Variants in FHIT observed in about 807,000 individuals in gnomAD.
FHIT encodes the protein bis(5'-adenosyl)-triphosphatase.
In FHIT, 19 loss-of-function variants were observed where a neutral mutation model predicts 17.9. The ratio of observed to expected loss-of-function variants is 1.06; its 90% CI spans 0.74 to 1.56. The LOEUF (loss-of-function observed/expected upper bound fraction) is 1.56. Ranked by LOEUF, FHIT falls within the 40% of genes most tolerant of loss-of-function variation. The pLI, the probability that FHIT is intolerant of heterozygous loss-of-function variation, is 0.00. For synonymous variants in FHIT, 81 were observed against 69.7 expected (o/e 1.16, Z -0.81); for missense variants, 248 against 189.2 (o/e 1.31, Z -1.82).
intron 5 of FHIT, among the ~76,000 whole-genome samples, chr3:60,253,406 A>G (rs1286401714): frequency 7.2e-5 from 11 of 152,248 alleles, no homozygotes; most frequent in South Asian, 2.1e-4. Context: ...GAAACAAATG[A>G]TATCACTCAT....
intron 4 of FHIT, among the ~76,000 whole-genome samples, chr3:60,773,652 C>T (rs1700119904): frequency 6.6e-6 from 1 of 152,200 alleles, no homozygotes; most frequent in Admixed American, 6.5e-5. Context: ...GTAATTAAGC[C>T]ACAGTATCTT....
chr3:60,968,783 A>C (rs752735059), intron 3 of FHIT, among the ~76,000 whole-genome samples: 1 of 152,104 alleles, frequency 6.6e-6, no homozygotes, highest in Non-Finnish European at 1.5e-5. Context: ...AGATTTTACC[A>C]TGAATGAATG....
chr3:60,982,138 C>T (rs563684597), intron 3 of FHIT, among the ~76,000 whole-genome samples: 2 of 152,230 alleles, frequency 1.3e-5, no homozygotes, highest in South Asian at 2.1e-4. Context: ...ATCATGTCTT[C>T]CTAGACTTAA....
At chr3:60,380,083 T>C (rs577115903) in intron 5 of FHIT, among the ~76,000 whole-genome samples, 1 of 152,306 alleles carries the variant, frequency 6.6e-6, no homozygotes, top group African/African-American at 2.4e-5. Flanking sequence ...AAAAGGTAAG[T>C]GCTGATATAG....
chr3:60,460,159 A>C (rs2032368266), intron 5 of FHIT, among the ~76,000 whole-genome samples: 1 of 152,170 alleles, frequency 6.6e-6, no homozygotes, highest in South Asian at 2.1e-4. Context: ...TGTCTATCAA[A>C]CTTGTCTTGA....
chr3:60,462,752 G>A (rs962687712), intron 5 of FHIT, among the ~76,000 whole-genome samples: 25 of 152,148 alleles, frequency 1.6e-4, no homozygotes, highest in African/African-American at 6.0e-4. Context: ...TGCCAACCAT[G>A]CTGGACCGGG....
chr3:61,045,759 T>C (rs531496062), intron 2 of FHIT, among the ~76,000 whole-genome samples: 5 of 152,034 alleles, frequency 3.3e-5, no homozygotes, highest in African/African-American at 1.2e-4. Context: ...CCTCAGCAAA[T>C]GTAAAAGAAC....
At chr3:60,507,956 C>T (rs1354841841) in intron 5 of FHIT, among the ~76,000 whole-genome samples, 2 of 152,154 alleles carry the variant, frequency 1.3e-5, no homozygotes, top group Admixed American at 6.5e-5. Flanking sequence ...TATATCTTTG[C>T]TATTGTGAAT....
intron 5 of FHIT, among the ~76,000 whole-genome samples, chr3:60,441,702 TTATA>T (rs10575692): frequency 0.39 from 32,073 of 82,510 alleles, 8,396 homozygotes; most frequent in African/African-American, 0.59. Context: ...CTGTAGGTAT[TTATA>T]TATATATATA....
At chr3:60,208,160 A>T (rs1461534932) in intron 5 of FHIT, among the ~76,000 whole-genome samples, 1 of 152,202 alleles carries the variant, frequency 6.6e-6, no homozygotes, top group African/African-American at 2.4e-5. Context: ...GTGTACAAGA[A>T]CTGCTGACAA....
intron 4 of FHIT, among the ~76,000 whole-genome samples, chr3:60,596,862 A>C (rs1334295722): frequency 6.6e-6 from 1 of 152,156 alleles, no homozygotes; most frequent in Non-Finnish European, 1.5e-5. Context: ...TGAACCTAAT[A>C]ATGTGAAGAC....
At chr3:61,156,036 C>T (rs548750328) in intron 2 of FHIT, among the ~76,000 whole-genome samples, 1 of 152,286 alleles carries the variant, frequency 6.6e-6, no homozygotes, top group Admixed American at 6.5e-5. Flanking sequence ...CCCTAACAAG[C>T]TTCTCTGTTG....
rs1004793232 is a variant in FHIT at position 59,908,744 on chromosome 3, C to T, written c.348+13602G>A. 4.6e-5 allele frequency among the ~76,000 whole-genome samples: 7 copies of T among 151,792 alleles called. No homozygotes were observed. In the East Asian group the frequency reaches 5.8e-4, roughly 13 times the overall value. Reference sequence around the variant, plus strand: ...AATTACAGGCCTGAACTGACAGAAACGGCACTGAACTTGCTGAGCAAAACC... The same window carrying T: ...AATTACAGGCCTGAACTGACAGAAATGGCACTGAACTTGCTGAGCAAAACC... On this transcript the variant is annotated intron_variant, in intron 8 of 9. Coordinates refer to ENST00000492590, the MANE Select transcript of FHIT (RefSeq NM_002012.4).
intron 8 of FHIT, among the ~76,000 whole-genome samples, chr3:59,837,203 G>A (rs544923559): frequency 4.2e-4 from 64 of 152,136 alleles, no homozygotes; most frequent in Non-Finnish European, 7.8e-4. Context: ...ACCTTTCCCT[G>A]AACCAATACA....
intron 3 of FHIT, among the ~76,000 whole-genome samples, chr3:61,014,808 A>AAAAT (rs1156410696): frequency 0.028 from 759 of 26,914 alleles, 61 homozygotes; most frequent in South Asian, 0.074. Context: ...AAAAAAAAAA[A>AAAAT]TATATATATA....
intron 5 of FHIT, among the ~76,000 whole-genome samples, chr3:60,164,162 G>C (rs1040727700): frequency 6.6e-6 from 1 of 152,110 alleles, no homozygotes; most frequent in African/African-American, 2.4e-5. Context: ...AAAAAATAAT[G>C]CCAGCAGAGT....
intron 8 of FHIT, among the ~76,000 whole-genome samples, chr3:59,826,344 A>T (rs1700978017): frequency 6.6e-6 from 1 of 152,152 alleles, no homozygotes; most frequent in South Asian, 2.1e-4. Flanking sequence ...ATTGTAATAT[A>T]GTTCCCTTTT....
At chr3:60,269,085 C>T (rs187334912) in intron 5 of FHIT, among the ~76,000 whole-genome samples, 3 of 152,312 alleles carry the variant, frequency 2.0e-5, no homozygotes, top group Non-Finnish European at 4.4e-5. Flanking sequence ...TTTAAGACTT[C>T]TGGCCTCCAG....
chr3:61,083,649 C>A (rs576133272), intron 2 of FHIT, among the ~76,000 whole-genome samples: 3 of 152,282 alleles, frequency 2.0e-5, no homozygotes, highest in East Asian at 3.9e-4. Context: ...CCTCCCAACA[C>A]CTTCACCCTC....
Sources: gnomAD v4.1 joint callset for allele counts (sites outside exome capture counted in the v4.1 genomes callset) on GRCh38, gnomAD v4.1.1 for gene constraint, MANE v1.5 for transcripts, NCBI Gene and HGNC (gene_info 2026-07-23, HGNC 2026-07-21) for gene names.